SYT13: variants seen among roughly 807,000 people sequenced by gnomAD.
SYT13 encodes synaptotagmin 13, also known as synaptotagmin-13.
Under a neutral mutation model 38.6 loss-of-function variants are expected in SYT13, and 21 were observed. That is an observed-to-expected ratio of 0.54 (90% CI 0.39 to 0.78). The LOEUF is 0.78. Ranked by LOEUF, SYT13 falls within the 30% of genes least tolerant of loss-of-function variation. The pLI is 0.00. For missense variants in SYT13, 495 were observed against 548.7 expected (o/e 0.90, Z 0.98); for synonymous variants, 241 against 237.6 (o/e 1.01, Z -0.13).
At chr11:45,244,499 A>T in intron 5 of SYT13, 143 bp from the exon 6 acceptor site, 2 of 1,004,354 alleles carry the variant, frequency 2.0e-6, no homozygotes, top group Non-Finnish European at 2.8e-6. Context: ...ATATACCCAA[A>T]CATCTTAGAG....
intron 1 of SYT13, among the ~76,000 whole-genome samples, chr11:45,282,741 G>A (rs1213645958): frequency 1.3e-5 from 2 of 152,182 alleles, no homozygotes; most frequent in African/African-American, 4.8e-5. Context: ...AGAAAATACT[G>A]CTTCAGTTAG....
intron 1 of SYT13, among the ~76,000 whole-genome samples, chr11:45,277,344 GATCCTACACTTT>G (rs1199645184): frequency 2.0e-5 from 3 of 152,148 alleles, no homozygotes; most frequent in Non-Finnish European, 2.9e-5. Flanking sequence ...AAATGGCATT[GATCCTACACTTT>G]AAAGTGATTA....
chr11:45,277,514 A>G (rs1349472980), intron 1 of SYT13, among the ~76,000 whole-genome samples: 1 of 152,210 alleles, frequency 6.6e-6, no homozygotes, highest in Non-Finnish European at 1.5e-5. Flanking sequence ...TCTATGGTCT[A>G]CAATGCCCTG....
intron 5 of SYT13, among the ~76,000 whole-genome samples, chr11:45,244,753 G>A (rs11827826): frequency 0.029 from 4,360 of 152,274 alleles, 221 homozygotes; most frequent in African/African-American, 0.099. Flanking sequence ...TGGGGATGCA[G>A]CAGAAGTTCT....
intron 1 of SYT13, among the ~76,000 whole-genome samples, chr11:45,285,363 TG>T (rs940954834): frequency 7.2e-5 from 11 of 152,190 alleles, no homozygotes; most frequent in Non-Finnish European, 1.0e-4. Context: ...AGAGACATCT[TG>T]GGGGAGGCCA....
chr11:45,251,772 G>GC, intron 4 of SYT13, among the ~76,000 whole-genome samples: 1 of 152,198 alleles, frequency 6.6e-6, no homozygotes, highest in East Asian at 1.9e-4. Context: ...CCCACTTGTG[G>GC]CCCCCCAACA....
In SYT13 at chr11:45,269,366, A is replaced by AAAG. The variant is rs1854922185; in HGVS notation, c.184-13476_184-13475insCTT. On this transcript the variant is annotated intron_variant, in intron 1 of 5. Coordinates refer to ENST00000020926, the MANE Select transcript of SYT13 (RefSeq NM_020826.3). Reference sequence around the variant, plus strand: ...AAAACAAACAAACAAACAAACAAAAAACTCCGTGGGACTGGAAACCCCAAG... The same window carrying AAAG: ...AAAACAAACAAACAAACAAACAAAAAAAGACTCCGTGGGACTGGAAACCCCAAG... 3 of 945,276 alleles carry AAAG rather than the reference A, an allele frequency of 3.2e-6. No individual in the cohort carries two copies. In the South Asian group the frequency reaches 6.8e-5, roughly 22 times the overall value. 58.6% of individuals were successfully genotyped at this position (945,276 alleles called of 1,614,324 possible).
intron 1 of SYT13, among the ~76,000 whole-genome samples, chr11:45,271,303 T>TA (rs1854946348): frequency 6.6e-6 from 1 of 152,156 alleles, no homozygotes; most frequent in Admixed American, 6.5e-5. Flanking sequence ...AAAAGCCAAA[T>TA]ACCTGGACTG....
intron 5 of SYT13, among the ~76,000 whole-genome samples, chr11:45,246,124 C>T (rs768086704): frequency 2.0e-5 from 3 of 152,176 alleles, no homozygotes; most frequent in Non-Finnish European, 4.4e-5. Context: ...AGGTAGGGAA[C>T]CCCAGGTAGC....
chr11:45,244,320 C>G lies in SYT13; in HGVS notation c.1013G>C (p.Arg338Pro), dbSNP rs377635830. Reference sequence around the variant, plus strand: ...TTTAGTCTGCTTCTTCTTCAGCTTCCGAGCCTGGTGCTTCAAGGTCACCTT... The same window carrying G: ...TTTAGTCTGCTTCTTCTTCAGCTTCGGAGCCTGGTGCTTCAAGGTCACCTT... Reference protein sequence around the residue: ...SVKVTLKHQARKLKKKQTKRA... With the variant: ...SVKVTLKHQAPKLKKKQTKRA... Residue 338 changes from arginine (R) to proline (P), a missense_variant, in exon 6 of 6, where the codon CGG (arginine) becomes CCG (proline). Physicochemically the swap from Arg to Pro is moderately radical, Grantham distance 103. Coordinates refer to ENST00000020926, the MANE Select transcript of SYT13 (RefSeq NM_020826.3). The G allele has an allele frequency of 1.2e-6, 2 of 1,613,832 alleles. No individual in the cohort carries two copies. The highest frequency in any genetic ancestry group is 1.7e-5 in the Admixed American group (1 of 60,018).
rs1854582551 is a variant in SYT13, at chr11:45,243,937, T to G, written c.*115A>C. 8.6e-7 allele frequency: 1 copy of G among 1,156,080 alleles called. No homozygotes were observed. The allele number at this position is 1,156,080 out of a possible 1,614,324, so 71.6% of individuals were successfully genotyped here. ...GTATGATGAGAGAGCCATCCCAGCC[T>G]TGCAAACACATCTGTCACTGTCTTC... On this transcript the variant is annotated 3_prime_UTR_variant, in exon 6 of 6. Coordinates refer to ENST00000020926, the MANE Select transcript of SYT13 (RefSeq NM_020826.3).
intron 1 of SYT13, among the ~76,000 whole-genome samples, chr11:45,266,146 T>C (rs1256022058): frequency 5.3e-5 from 8 of 152,158 alleles, no homozygotes; most frequent in Non-Finnish European, 1.0e-4. Context: ...GAAGAATCTG[T>C]ATGCTCAGCA....
In SYT13 at chr11:45,284,742, G is replaced by A. The variant is rs913843360; in HGVS notation, c.183+1283C>T. On this transcript the variant is annotated intron_variant, in intron 1 of 5. Transcript: ENST00000020926. ...TGGGCAGGAAAGAAGGTTGAGAGGCGGCCGACCACGACTTGTGGAGAAGGA... is the reference window on the plus strand; with the variant it reads ...TGGGCAGGAAAGAAGGTTGAGAGGCAGCCGACCACGACTTGTGGAGAAGGA... 2.0e-5 allele frequency among the ~76,000 whole-genome samples: 3 copies of A among 152,110 alleles called. No homozygotes were observed. In the South Asian group the frequency reaches 6.2e-4, roughly 32 times the overall value.
At chr11:45,284,042 G>T (rs1300721068) in intron 1 of SYT13, among the ~76,000 whole-genome samples, 1 of 152,192 alleles carries the variant, frequency 6.6e-6, no homozygotes, top group African/African-American at 2.4e-5. Flanking sequence ...AATGGAAAAA[G>T]ACCTGAAGGA....
At chr11:45,256,222 C>G (rs1399621007) in intron 1 of SYT13, among the ~76,000 whole-genome samples, 1 of 152,136 alleles carries the variant, frequency 6.6e-6, no homozygotes, top group Admixed American at 6.5e-5. Flanking sequence ...CCTCTTCCTT[C>G]TCCCTTCTCC....
intron 1 of SYT13, among the ~76,000 whole-genome samples, chr11:45,277,970 C>T (rs1312872032): frequency 6.6e-6 from 1 of 152,208 alleles, no homozygotes; most frequent in South Asian, 2.1e-4. Context: ...GTAGTTACCA[C>T]TGTATCCTCA....
At chr11:45,275,158 C>A (rs76157346) in intron 1 of SYT13, among the ~76,000 whole-genome samples, 1 of 152,166 alleles carries the variant, frequency 6.6e-6, no homozygotes, top group Non-Finnish European at 1.5e-5. Flanking sequence ...TCTACCCATC[C>A]ATTCATCAAT....
In SYT13 at chr11:45,261,197, A is replaced by G. The variant is rs137944027; in HGVS notation, c.184-5306T>C. Among the ~76,000 whole-genome samples the G allele has an allele frequency of 3.5e-3, 535 of 152,370 alleles. 1 individual carries two copies. Among genetic ancestry groups the G allele is most frequent in the Non-Finnish European group, 6.0e-3 (405 of 68,036 alleles). On this transcript the variant is annotated intron_variant, in intron 1 of 5. Transcript: ENST00000020926. ...CCTCACACCCATTAGGATGGCTACT[A>G]TCAACAAAACAGAAAATAACAAACA...
At position 45,268,184 on chromosome 11, in the gene SYT13, C is replaced by T. The variant is rs189353021; in HGVS notation, c.184-12293G>A. Among the ~76,000 whole-genome samples the T allele has an allele frequency of 7.9e-5, 12 of 152,248 alleles. 1 individual carries two copies. The East Asian group carries it at 1.6e-3, about 20-fold the overall frequency. ...GAATACCAGCCAGCCCTAACGCAAA[C>T]GTTTTATCTGCTGTTTGTCATTCAA... On this transcript the variant is annotated intron_variant, in intron 1 of 5. Coordinates refer to ENST00000020926, the MANE Select transcript of SYT13 (RefSeq NM_020826.3).
Sources: allele counts gnomAD v4.1 joint callset (sites outside exome capture counted in the v4.1 genomes callset), GRCh38; gene constraint gnomAD v4.1.1; transcripts MANE v1.5; gene names NCBI Gene and HGNC (gene_info 2026-07-23, HGNC 2026-07-21).